Variants in IL1R2 observed in about 807,000 individuals in gnomAD.
IL1R2 encodes interleukin-1 receptor type 2.
IL1R2 carries 46 observed loss-of-function variants against 39.5 expected under a neutral mutation model. The ratio of observed to expected loss-of-function variants is 1.16; its 90% confidence interval spans 0.92 to 1.49. The LOEUF is 1.49. Among genes scored for constraint, IL1R2 ranks in the 40% most tolerant of loss-of-function variants. The probability of loss-of-function intolerance (pLI) is 0.00; values close to 1 mark genes in which losing one functional copy is unlikely to be tolerated. For missense variants in IL1R2, 537 were observed against 502.0 expected (o/e 1.07, Z -0.67); for synonymous variants, 207 against 189.6 (o/e 1.09, Z -0.75).
intron 4 of IL1R2, among the ~76,000 whole-genome samples, chr2:102,017,300 A>G (rs1471685521): frequency 6.6e-6 from 1 of 151,714 alleles, no homozygotes; most frequent in Non-Finnish European, 1.5e-5. Context: ...GGGAGGCTGA[A>G]GCAGGAGAAT....
At chr2:102,008,668 A>G (rs567428420) in intron 2 of IL1R2, 26 bp downstream of exon 2, 3 of 1,598,112 alleles carry the variant, frequency 1.9e-6, no homozygotes, top group South Asian at 2.2e-5. Flanking sequence ...TTCAGATGCA[A>G]AAAGGCTTGC....
chr2:102,007,107 T>G (rs1351727823), intron 1 of IL1R2, among the ~76,000 whole-genome samples: 2 of 152,118 alleles, frequency 1.3e-5, no homozygotes, highest in Non-Finnish European at 2.9e-5. Flanking sequence ...TTCACACCAT[T>G]CAGTTCTGGG....
rs1295970737 is a variant in IL1R2 at position 102,009,750 on chromosome 2, A to T, written c.256A>T (p.Met86Leu). The T allele has an allele frequency of 3.1e-6, 5 of 1,614,040 alleles. No individual in the cohort carries two copies. Among genetic ancestry groups the T allele is most frequent in the Non-Finnish European group, 3.4e-6 (4 of 1,180,036 alleles). The stretch of plus-strand genomic sequence containing the variant: ...GGTCCCAGGAGAAGAAGAGACACGG[A>T]TGTGGGCCCAGGACGGTGCTCTGTG... ...RTVPGEEETR[M>L]WAQDGALWLL... is the part of the protein sequence containing the mutation. The change falls in exon 3 of 9, where the codon ATG becomes TTG. Residue 86 changes from methionine (M) to leucine (L), a missense_variant. Met to Leu is a conservative substitution (Grantham distance 15). Coordinates refer to ENST00000332549, the MANE Select transcript of IL1R2 (RefSeq NM_004633.4).
rs11123902 is a variant in IL1R2, at chr2:101,994,180, C to T, written c.-62+2169C>T. 9.9e-4 allele frequency among the ~76,000 whole-genome samples: 150 copies of T among 152,032 alleles called. 3 individuals are homozygous for T. Among genetic ancestry groups the T allele is most frequent in the Middle Eastern group, 3.4e-3 (1 of 294 alleles). ...GTTTCAGGGCAGCTATCCTCTCTCC[C>T]GGGGTCTTCAGTTGGCCTGGGAGCC... On this transcript the variant is annotated intron_variant, in intron 1 of 8. Transcript: ENST00000332549.
chr2:102,004,618 T>A (rs2150426975), intron 1 of IL1R2, among the ~76,000 whole-genome samples: 1 of 152,304 alleles, frequency 6.6e-6, no homozygotes, highest in African/African-American at 2.4e-5. Context: ...GTCTGTGATT[T>A]AAAAACTCAT....
rs192467108 is a variant in IL1R2 at position 102,022,291 on chromosome 2, G to T, written c.751+42G>T. 9.1e-6 allele frequency: 14 copies of T among 1,538,512 alleles called. No homozygotes were observed. In the South Asian group the frequency reaches 1.2e-4, roughly 14 times the overall value. The stretch of plus-strand genomic sequence containing the variant: ...CCATGCATTCCACGCACCTGTGGGG[G>T]TGCCTGGTATCCCAATGCAGGGGGC... On this transcript the variant is annotated intron_variant, in intron 6 of 8. Coordinates refer to ENST00000332549, the MANE Select transcript of IL1R2 (RefSeq NM_004633.4).
chr2:102,024,485 G>T, intron 6 of IL1R2, 48 bp from the exon 7 acceptor site: 3 of 1,390,588 alleles, frequency 2.2e-6, no homozygotes, highest in Non-Finnish European at 3.1e-6. Context: ...GCTGGTGGGT[G>T]GGAGGTGCTG....
At chr2:101,992,268 G>GAGGC (rs1675368737) in intron 1 of IL1R2, among the ~76,000 whole-genome samples, 1 of 146,366 alleles carries the variant, frequency 6.8e-6, no homozygotes, top group South Asian at 2.3e-4. Context: ...CAGAGAGACA[G>GAGGC]AGAGAGACAG....
chr2:101,993,196 C>T (rs749210507), intron 1 of IL1R2, among the ~76,000 whole-genome samples: 30 of 152,084 alleles, frequency 2.0e-4, no homozygotes, highest in Non-Finnish European at 3.2e-4. Context: ...GCCTGGCTCT[C>T]GGGTGGTTTT....
rs960151581 is a variant in IL1R2, at chr2:102,024,559, G to A, written c.778G>A (p.Val260Met). 2.5e-6 allele frequency: 4 copies of A among 1,613,950 alleles called. No individual in the cohort carries two copies. Among genetic ancestry groups the A allele is most frequent in the Non-Finnish European group, 3.4e-6 (4 of 1,179,994 alleles). ...LGSRLTIPCK[V>M]FLGTGTPLTT... The stretch of plus-strand genomic sequence containing the variant: ...GTCAAGACTGACAATCCCGTGTAAG[G>A]TGTTTCTGGGAACCGGCACACCCTT... The change falls in exon 7 of 9, where the codon GTG (valine) becomes ATG (methionine). Residue 260 changes from valine to methionine, a missense_variant. By Grantham distance (21) the Val-to-Met change is conservative (BLOSUM62 1). Coordinates refer to ENST00000332549, the MANE Select transcript of IL1R2 (RefSeq NM_004633.4).
Position 102,009,757 on chromosome 2 carries a change from C to A in IL1R2, c.263C>A (p.Ala88Asp), listed in dbSNP as rs375271905. Residue 88 changes from alanine (A) to aspartate (D), a missense_variant, in exon 3 of 9, where the codon GCC (alanine) becomes GAC (aspartate). Transcript: ENST00000332549. Reference sequence around the variant, plus strand: ...GGAGAAGAAGAGACACGGATGTGGGCCCAGGACGGTGCTCTGTGGCTTCTG... The same window carrying A: ...GGAGAAGAAGAGACACGGATGTGGGACCAGGACGGTGCTCTGTGGCTTCTG... ...VPGEEETRMW[A>D]QDGALWLLPA... The A allele has an allele frequency of 4.6e-5, 74 of 1,614,034 alleles. No individual in the cohort carries two copies. Among genetic ancestry groups the A allele is most frequent in the Admixed American group, 1.2e-4 (7 of 60,004 alleles).
chr2:102,024,048 C>CAAAAAAAAAAAAAAAAAAAA (rs767273520), intron 6 of IL1R2, among the ~76,000 whole-genome samples: 1 of 139,892 alleles, frequency 7.1e-6, no homozygotes, highest in Non-Finnish European at 1.5e-5. Context: ...GACTCCATCT[C>CAAAAAAAAAAAAAAAAAAAA]AAAAACAAAA....
chr2:102,008,016 A>G (rs1289674476), intron 1 of IL1R2, among the ~76,000 whole-genome samples: 1 of 152,222 alleles, frequency 6.6e-6, no homozygotes, highest in African/African-American at 2.4e-5. Context: ...CAGTCCTTCC[A>G]TCAGTGGAGC....
chr2:101,994,664 G>T (rs1002259216), intron 1 of IL1R2, among the ~76,000 whole-genome samples: 29 of 152,216 alleles, frequency 1.9e-4, no homozygotes, highest in African/African-American at 6.5e-4. Flanking sequence ...CCAAGCCTGT[G>T]GGGGAGCTAT....
chr2:102,003,258 G>A (rs1477037931), intron 1 of IL1R2, among the ~76,000 whole-genome samples: 1 of 150,844 alleles, frequency 6.6e-6, no homozygotes, highest in Non-Finnish European at 1.5e-5. Context: ...CTGTGTCGGT[G>A]TCTGTGTCAG....
chr2:102,021,664 C>T (rs1288861565), intron 5 of IL1R2, among the ~76,000 whole-genome samples: 1 of 152,248 alleles, frequency 6.6e-6, no homozygotes, highest in African/African-American at 2.4e-5. Context: ...ACTTCTGCCT[C>T]TCCAGAGAGT....
chr2:102,011,267 G>A (rs540667338), intron 3 of IL1R2, among the ~76,000 whole-genome samples: 1 of 152,218 alleles, frequency 6.6e-6, no homozygotes, highest in Non-Finnish European at 1.5e-5. Context: ...AAGAGGAACT[G>A]CTGGATCATC....
chr2:102,021,965 T>G (rs1677427059), intron 5 of IL1R2: 1 of 540,194 alleles, frequency 1.9e-6, no homozygotes, highest in South Asian at 2.1e-5. Context: ...AATGTGTGTT[T>G]GGCTGTGGCC....
At chr2:102,012,620 C>T (rs891194408) in intron 3 of IL1R2, among the ~76,000 whole-genome samples, 2 of 151,996 alleles carry the variant, frequency 1.3e-5, no homozygotes, top group Non-Finnish European at 2.9e-5. Context: ...ACACTACCAT[C>T]CATATGTCTA....
Sources: allele counts gnomAD v4.1 joint callset (sites outside exome capture counted in the v4.1 genomes callset), GRCh38; gene constraint gnomAD v4.1.1; transcripts MANE v1.5; gene names NCBI Gene and HGNC (gene_info 2026-07-23, HGNC 2026-07-21).